The following CERS3 variants were observed in gnomAD, a reference collection of about 807,000 sequenced individuals.
The protein encoded by CERS3 is LAG1 homolog, ceramide synthase 3.
In CERS3, 33 loss-of-function variants were observed where a neutral mutation model predicts 50.3. That is an observed-to-expected ratio of 0.66 (90% confidence interval 0.50 to 0.88). The LOEUF (loss-of-function observed/expected upper bound fraction) is 0.88, where lower values mean the gene tolerates loss of function less well. Ranked by LOEUF, CERS3 falls within the 40% of genes least tolerant of loss-of-function variation. The pLI is 0.00. For synonymous variants in CERS3, 176 were observed against 155.2 expected, an observed-to-expected ratio of 1.13 and a Z score of -0.99; for missense variants, 470 against 460.3, an observed-to-expected ratio of 1.02 and a Z score of -0.19.
intron 11 of CERS3, chr15:100,437,779 T>C (rs769670384): frequency 2.0e-5 from 3 of 152,114 alleles, no homozygotes; most frequent in Admixed American, 6.5e-5. Flanking sequence ...ATTTTACAGG[T>C]GAAGAAACCG....
intron 11 of CERS3, among the ~76,000 whole-genome samples, chr15:100,440,305 C>T (rs949724564): frequency 1.3e-5 from 2 of 152,232 alleles, no homozygotes; most frequent in East Asian, 1.9e-4. Context: ...CTGTGACCTG[C>T]ACATACACAT....
intron 10 of CERS3, among the ~76,000 whole-genome samples, chr15:100,462,287 T>C (rs530352877): frequency 2.0e-5 from 3 of 152,368 alleles, no homozygotes; most frequent in African/African-American, 7.2e-5. Flanking sequence ...ATTTTAGCTC[T>C]TCCAATCACT....
At chr15:100,535,586 G>A (rs148508336) in intron 1 of CERS3, among the ~76,000 whole-genome samples, 5,315 of 150,662 alleles carry the variant, frequency 0.035, 143 homozygotes, top group South Asian at 0.11. Flanking sequence ...ATATGTGCAC[G>A]GGAAGTGGGG....
At chr15:100,495,397 GA>G (rs568906763) in intron 3 of CERS3, among the ~76,000 whole-genome samples, 1 of 152,100 alleles carries the variant, frequency 6.6e-6, no homozygotes, top group Admixed American at 6.5e-5. Flanking sequence ...TCTCAATTCT[GA>G]AAAAAACTGA....
chr15:100,459,210 A>G (rs887854982), intron 10 of CERS3, among the ~76,000 whole-genome samples: 1 of 152,136 alleles, frequency 6.6e-6, no homozygotes, highest in Non-Finnish European at 1.5e-5. Context: ...TAGATATATC[A>G]TAATTTAACT....
chr15:100,501,025 C>G (rs2035981077), intron 3 of CERS3, among the ~76,000 whole-genome samples: 1 of 152,226 alleles, frequency 6.6e-6, no homozygotes, highest in South Asian at 2.1e-4. Context: ...GAACATTTAT[C>G]TACTGTTATC....
chr15:100,430,986 G>C (rs1424087917), intron 11 of CERS3, among the ~76,000 whole-genome samples: 1 of 152,080 alleles, frequency 6.6e-6, no homozygotes, highest in African/African-American at 2.4e-5. Context: ...AATCACCTAG[G>C]GTTCTTGGTA....
chr15:100,543,920 G>T (rs958999415), intron 1 of CERS3, among the ~76,000 whole-genome samples: 2 of 152,196 alleles, frequency 1.3e-5, no homozygotes, highest in African/African-American at 4.8e-5. Flanking sequence ...AAGTAAAAGG[G>T]TATCTTTAGT....
At chr15:100,434,567 G>A (rs1411905792) in intron 11 of CERS3, among the ~76,000 whole-genome samples, 1 of 152,184 alleles carries the variant, frequency 6.6e-6, no homozygotes, top group Non-Finnish European at 1.5e-5. Context: ...ACTCTCTTCT[G>A]AGACTTAGGT....
chr15:100,457,051 G>A (rs974512394), intron 10 of CERS3, among the ~76,000 whole-genome samples: 4 of 151,796 alleles, frequency 2.6e-5, no homozygotes, highest in Non-Finnish European at 2.9e-5. Context: ...TTGTTTGTAA[G>A]TATATTAGTT....
chr15:100,462,744 G>C (rs1356376241), intron 10 of CERS3, among the ~76,000 whole-genome samples: 1 of 152,126 alleles, frequency 6.6e-6, no homozygotes, highest in Non-Finnish European at 1.5e-5. Context: ...AACAATGTCA[G>C]CGACATGAAA....
At chr15:100,543,323 C>T (rs2037246691) in intron 1 of CERS3, among the ~76,000 whole-genome samples, 1 of 152,002 alleles carries the variant, frequency 6.6e-6, no homozygotes, top group African/African-American at 2.4e-5. Flanking sequence ...CCAAACCAAC[C>T]TAACTGGACT....
In CERS3 at chr15:100,542,029, G is replaced by T. The variant is rs191412414; in HGVS notation, c.-355+2622C>A. On this transcript the variant is annotated intron_variant, in intron 1 of 12. Coordinates refer to the CERS3 transcript ENST00000284382. ...CCTAGAAATATGGTCCATACTTTCA[G>T]CTATTTAAATCCTTAAAATCAAAAT... 1.4e-4 allele frequency among the ~76,000 whole-genome samples: 22 copies of T among 152,214 alleles called. No individual in the cohort carries two copies. In the East Asian group the frequency reaches 4.3e-3, roughly 29 times the overall value.
chr15:100,467,837 G>GTATA lies in CERS3; in HGVS notation c.845+1537_845+1540dup, dbSNP rs1224034259. On this transcript the variant is annotated intron_variant, in intron 10 of 11. Transcript: ENST00000679737. ...TATATATATGTGTATATATATACGT[G>GTATA]TATATATATATATATAGATAGATAG... Among the ~76,000 whole-genome samples, 252 of 56,376 alleles carry GTATA rather than the reference G, an allele frequency of 4.5e-3. 7 individuals are homozygous for GTATA. The highest frequency in any genetic ancestry group is 9.8e-3 in the African/African-American group (176 of 18,026). 37.0% of individuals were successfully genotyped at this position (56,376 alleles called of 152,430 possible). A position where few individuals can be genotyped will look rare whatever the true frequency, so the allele number is the denominator to read the frequency against.
At chr15:100,448,565 C>T (rs1014727263) in intron 11 of CERS3, among the ~76,000 whole-genome samples, 84 of 152,172 alleles carry the variant, frequency 5.5e-4, no homozygotes, top group Admixed American at 3.0e-3. Flanking sequence ...ATACGAGGTC[C>T]CACATACCCC....
chr15:100,428,492 G>A (rs2032950199), intron 11 of CERS3, among the ~76,000 whole-genome samples: 1 of 152,184 alleles, frequency 6.6e-6, no homozygotes, highest in African/African-American at 2.4e-5. Flanking sequence ...GGTGATTCCG[G>A]GACCTTGCTG....
upstream of CERS3, among the ~76,000 whole-genome samples, chr15:100,530,977 G>A (rs907727871): frequency 2.0e-5 from 3 of 152,136 alleles, no homozygotes; most frequent in Non-Finnish European, 2.9e-5. Context: ...CCAGCTACTC[G>A]GGAGGCTGCG....
intron 5 of CERS3, among the ~76,000 whole-genome samples, chr15:100,481,354 T>G (rs1019763702): frequency 6.6e-6 from 1 of 152,212 alleles, no homozygotes; most frequent in Non-Finnish European, 1.5e-5. Context: ...AGTCAAAAAG[T>G]TGAACCATAA....
At chr15:100,439,318 A>G (rs2033571750) in intron 11 of CERS3, among the ~76,000 whole-genome samples, 1 of 152,254 alleles carries the variant, frequency 6.6e-6, no homozygotes, top group Admixed American at 6.5e-5. Context: ...TCAGTCTGCC[A>G]TGAAAATTCA....
Sources: gnomAD v4.1 joint callset for allele counts (sites outside exome capture counted in the v4.1 genomes callset) on GRCh38, gnomAD v4.1.1 for gene constraint, MANE v1.5 for transcripts, NCBI Gene and HGNC (gene_info 2026-07-23, HGNC 2026-07-21) for gene names.